STK32B: variants seen among roughly 807,000 people sequenced by gnomAD.
The protein encoded by STK32B is serine/threonine-protein kinase 32B.
Under a neutral mutation model 52.6 loss-of-function variants are expected in STK32B, and 43 were observed. The observed-to-expected ratio is 0.82, with a 90% CI of 0.64 to 1.05. The LOEUF (loss-of-function observed/expected upper bound fraction) is 1.05. Among genes scored for constraint, STK32B ranks in the 50% least tolerant of loss-of-function variants. The pLI, the probability that STK32B is intolerant of heterozygous loss-of-function variation, is 0.00. For synonymous variants in STK32B, 238 were observed against 204.3 expected (o/e 1.17, Z -1.41); for missense variants, 621 against 534.6 (o/e 1.16, Z -1.59).
chr4:5,096,180 A>G (rs1192156364), intron 1 of STK32B, among the ~76,000 whole-genome samples: 1 of 152,258 alleles, frequency 6.6e-6, no homozygotes. Flanking sequence ...AATGTTGTTT[A>G]AAACACCATT....
intron 3 of STK32B, among the ~76,000 whole-genome samples, chr4:5,313,198 G>A (rs1454647137): frequency 6.6e-6 from 1 of 151,590 alleles, no homozygotes; most frequent in Non-Finnish European, 1.5e-5. Flanking sequence ...AACAAATTGA[G>A]ATTCACTATA....
intron 3 of STK32B, among the ~76,000 whole-genome samples, chr4:5,284,868 C>T (rs1047336353): frequency 1.3e-5 from 2 of 152,290 alleles, no homozygotes; most frequent in Non-Finnish European, 1.5e-5. Flanking sequence ...CCTTGAATAA[C>T]ACCATGGACC....
intron 7 of STK32B, among the ~76,000 whole-genome samples, chr4:5,448,501 G>A (rs1245635643): frequency 2.6e-5 from 4 of 152,228 alleles, no homozygotes; most frequent in African/African-American, 9.6e-5. Context: ...AAACGTGACT[G>A]GGCTCCTGCC....
At chr4:5,090,278 C>T (rs1473208904) in intron 1 of STK32B, among the ~76,000 whole-genome samples, 3 of 150,912 alleles carry the variant, frequency 2.0e-5, no homozygotes, top group Non-Finnish European at 4.4e-5. Flanking sequence ...ATCATGAAGT[C>T]TTTGCCCATG....
intron 8 of STK32B, chr4:5,458,780 G>C (rs1306258138): frequency 1.3e-5 from 2 of 152,210 alleles, no homozygotes; most frequent in Admixed American, 6.5e-5. Context: ...ACATGGAGTC[G>C]TGAGAGAGCA....
intron 3 of STK32B, among the ~76,000 whole-genome samples, chr4:5,203,609 T>TA (rs879580597): frequency 1.3e-5 from 2 of 152,194 alleles, no homozygotes; most frequent in Non-Finnish European, 2.9e-5. Context: ...ATGTTCCTTT[T>TA]ACTCTGTTAT....
intron 6 of STK32B, among the ~76,000 whole-genome samples, chr4:5,428,480 G>A (rs1008040445): frequency 2.6e-5 from 4 of 152,068 alleles, no homozygotes; most frequent in Admixed American, 6.5e-5. Flanking sequence ...ATCTTTCATT[G>A]ATGTTCAGTT....
At chr4:5,479,767 A>T (rs61209564) in intron 11 of STK32B, among the ~76,000 whole-genome samples, 1 of 152,160 alleles carries the variant, frequency 6.6e-6, no homozygotes, top group Non-Finnish European at 1.5e-5. Context: ...CCCCATTTCC[A>T]ACTCAATTAC....
chr4:5,119,226 A>G (rs1308362824), intron 1 of STK32B, among the ~76,000 whole-genome samples: 1 of 152,220 alleles, frequency 6.6e-6, no homozygotes, highest in East Asian at 1.9e-4. Flanking sequence ...CACAGCGTTT[A>G]GCATAATTTC....
chr4:5,219,917 G>T (rs1021080720), intron 3 of STK32B, among the ~76,000 whole-genome samples: 1 of 152,190 alleles, frequency 6.6e-6, no homozygotes, highest in Non-Finnish European at 1.5e-5. Context: ...ACAGGACAGT[G>T]GTTGAAAGAA....
intron 3 of STK32B, among the ~76,000 whole-genome samples, chr4:5,172,898 T>G (rs995460018): frequency 6.6e-6 from 1 of 152,222 alleles, no homozygotes; most frequent in Non-Finnish European, 1.5e-5. Flanking sequence ...CAGTTCCTCC[T>G]TGTACCTCTA....
rs114461324 is a variant in STK32B at position 5,290,052 on chromosome 4, C to G, written c.261-41168C>G. 7.2e-3 allele frequency among the ~76,000 whole-genome samples: 1,091 copies of G among 152,100 alleles called. 10 individuals carry two copies. Among genetic ancestry groups the G allele is most frequent in the African/African-American group, 0.025 (1,054 of 41,480 alleles). ...AGTAACCCCCCGTGTCTGTTGTTCCCTTCTTTGTGTTCATAGGTACTATTT... is the reference window on the plus strand; with the variant it reads ...AGTAACCCCCCGTGTCTGTTGTTCCGTTCTTTGTGTTCATAGGTACTATTT... On this transcript the variant is annotated intron_variant, in intron 3 of 11. Coordinates refer to ENST00000282908, the MANE Select transcript of STK32B (RefSeq NM_018401.3).
At chr4:5,222,885 A>C (rs749380378) in intron 3 of STK32B, among the ~76,000 whole-genome samples, 8 of 152,314 alleles carry the variant, frequency 5.3e-5, no homozygotes, top group Middle Eastern at 3.4e-3. Context: ...ATTAGTATGG[A>C]TATAAGGCAG....
the STK32B span, among the ~76,000 whole-genome samples, chr4:5,038,892 T>C: frequency 3.3e-5 from 5 of 152,074 alleles, no homozygotes; most frequent in South Asian, 2.1e-4. Context: ...TTTTTTACTT[T>C]ATGAACTTTT....
intron 3 of STK32B, among the ~76,000 whole-genome samples, chr4:5,275,919 G>A (rs1727789472): frequency 6.6e-6 from 1 of 152,038 alleles, no homozygotes; most frequent in African/African-American, 2.4e-5. Flanking sequence ...CACCTGCTAG[G>A]AGACCTACTA....
chr4:5,239,898 A>G (rs1302150578), intron 3 of STK32B, among the ~76,000 whole-genome samples: 1 of 151,996 alleles, frequency 6.6e-6, no homozygotes, highest in Non-Finnish European at 1.5e-5. Context: ...TACACTCTGC[A>G]CCTTATCTCT....
In STK32B at chr4:5,250,310, CTTTTTTTTTTTTTT is replaced by C. The variant is rs143911318; in HGVS notation, c.261-80903_261-80890del. 4.2e-5 allele frequency among the ~76,000 whole-genome samples: 5 copies of C among 119,258 alleles called. No individual in the cohort carries two copies. In the East Asian group the frequency reaches 1.1e-3, roughly 27 times the overall value. The allele number at this position is 119,258 out of a possible 152,430, so 78.2% of individuals were successfully genotyped here. A position where few individuals can be genotyped will look rare whatever the true frequency, so the allele number is the denominator to read the frequency against. On this transcript the variant is annotated intron_variant, in intron 3 of 11. Coordinates refer to ENST00000282908, the MANE Select transcript of STK32B (RefSeq NM_018401.3). ...ATGAATGGTAATTCTGTTTTAAGTT[CTTTTTTTTTTTTTT>C]TTTTTTGAGACAGAATCTCGCTCTG... is the stretch of plus-strand genomic sequence containing the variant.
intron 6 of STK32B, among the ~76,000 whole-genome samples, chr4:5,442,931 C>A (rs1323924880): frequency 6.6e-6 from 1 of 151,890 alleles, no homozygotes; most frequent in Non-Finnish European, 1.5e-5. Context: ...TGAATATTGG[C>A]CCCCACTCTC....
At chr4:5,185,374 C>T (rs1031027556) in intron 3 of STK32B, among the ~76,000 whole-genome samples, 1 of 152,140 alleles carries the variant, frequency 6.6e-6, no homozygotes, top group African/African-American at 2.4e-5. Flanking sequence ...TTTTGAGTTG[C>T]AATGGACTGA....
Sources: gnomAD v4.1 joint callset for allele counts (sites outside exome capture counted in the v4.1 genomes callset) on GRCh38, gnomAD v4.1.1 for gene constraint, MANE v1.5 for transcripts, NCBI Gene and HGNC (gene_info 2026-07-23, HGNC 2026-07-21) for gene names.